Variants in TTLL11 observed in about 807,000 individuals in gnomAD.
The protein encoded by TTLL11 is tubulin polyglutamylase TTLL11.
In TTLL11, 42 loss-of-function variants were observed where a neutral mutation model predicts 51.7. The ratio of observed to expected loss-of-function variants is 0.81; its 90% CI spans 0.64 to 1.05. The LOEUF (loss-of-function observed/expected upper bound fraction) is 1.05. Ranked by LOEUF, TTLL11 falls within the 50% of genes least tolerant of loss-of-function variation. The pLI is 0.00. For missense variants in TTLL11, 799 were observed against 940.4 expected (o/e 0.85, Z 1.97); for synonymous variants, 381 against 383.5 (o/e 0.99, Z 0.08).
chr9:121,919,193 T>A (rs1439015472), intron 6 of TTLL11, among the ~76,000 whole-genome samples: 1 of 152,234 alleles, frequency 6.6e-6, no homozygotes, highest in Non-Finnish European at 1.5e-5. Flanking sequence ...CTCATTTAAT[T>A]AATTATACAT....
intron 8 of TTLL11, among the ~76,000 whole-genome samples, chr9:121,851,737 T>C (rs569668812): frequency 1.5e-4 from 23 of 152,200 alleles, no homozygotes; most frequent in Non-Finnish European, 1.0e-4. Context: ...CTCAGTGCAG[T>C]TGGGAGCACT....
intron 8 of TTLL11, among the ~76,000 whole-genome samples, chr9:121,835,222 C>G (rs551539940): frequency 2.3e-4 from 35 of 152,288 alleles, no homozygotes; most frequent in African/African-American, 8.2e-4. Flanking sequence ...TTCTGCCCAC[C>G]AGGATTCCCA....
At chr9:121,915,766 C>T (rs903705379) in intron 6 of TTLL11, among the ~76,000 whole-genome samples, 1 of 151,964 alleles carries the variant, frequency 6.6e-6, no homozygotes, top group African/African-American at 2.4e-5. Context: ...TTTATGTTAT[C>T]TTCACAATTT....
At chr9:122,011,171 C>T (rs758261505) in intron 3 of TTLL11, among the ~76,000 whole-genome samples, 2 of 152,182 alleles carry the variant, frequency 1.3e-5, no homozygotes, top group African/African-American at 2.4e-5. Context: ...CACTTGCCTG[C>T]CACCATGTAA....
At chr9:121,934,230 T>A (rs1489999670) in intron 6 of TTLL11, among the ~76,000 whole-genome samples, 5 of 44,226 alleles carry the variant, frequency 1.1e-4, no homozygotes, top group Admixed American at 5.1e-4. Flanking sequence ...CAAAACTCCA[T>A]CTCAAAAATA....
intron 6 of TTLL11, among the ~76,000 whole-genome samples, chr9:121,970,923 A>C (rs912338202): frequency 1.1e-4 from 17 of 152,378 alleles, no homozygotes; most frequent in African/African-American, 4.1e-4. Flanking sequence ...AGCACTAGTC[A>C]CAATAGCAAA....
In TTLL11 at chr9:122,022,543, T is replaced by G. The variant is rs570805898; in HGVS notation, c.693+9180A>C. 1.2e-4 allele frequency among the ~76,000 whole-genome samples: 18 copies of G among 150,996 alleles called. No individual in the cohort carries two copies. The East Asian group carries it at 3.3e-3, about 28-fold the overall frequency. On this transcript the variant is annotated intron_variant, in intron 3 of 8. Transcript: ENST00000321582. The stretch of plus-strand genomic sequence containing the variant: ...TAGAATTCTACACCTAGAGAAAATA[T>G]CATCCAAAACCAAAGGCAAAATAAA...
chr9:122,062,673 TG>T (rs2131874890), intron 1 of TTLL11, among the ~76,000 whole-genome samples: 1 of 151,862 alleles, frequency 6.6e-6, no homozygotes, highest in Non-Finnish European at 1.5e-5. Flanking sequence ...TTCACCATCT[TG>T]GCCAGGCTGG....
chr9:121,968,521 T>C (rs1168878517), intron 6 of TTLL11, among the ~76,000 whole-genome samples: 1 of 152,230 alleles, frequency 6.6e-6, no homozygotes, highest in Non-Finnish European at 1.5e-5. Context: ...TAACTAAGCA[T>C]TGTTTTTTCT....
chr9:121,955,263 T>A (rs142031027), intron 6 of TTLL11, among the ~76,000 whole-genome samples: 6 of 152,356 alleles, frequency 3.9e-5, no homozygotes, highest in Admixed American at 3.9e-4. Context: ...AAAATGCATA[T>A]AGTTTGTGTG....
At chr9:121,865,272 A>G (rs1354451450) in intron 7 of TTLL11, among the ~76,000 whole-genome samples, 1 of 152,150 alleles carries the variant, frequency 6.6e-6, no homozygotes, top group East Asian at 1.9e-4. Flanking sequence ...GCTACCCATT[A>G]CGAAGCATGT....
At chr9:121,870,271 T>C (rs1009686366) in intron 7 of TTLL11, among the ~76,000 whole-genome samples, 1 of 152,170 alleles carries the variant, frequency 6.6e-6, no homozygotes, top group Non-Finnish European at 1.5e-5. Flanking sequence ...TGTTTTTAAA[T>C]CATGAACATA....
At chr9:122,024,405 A>C (rs1240262423) in intron 3 of TTLL11, among the ~76,000 whole-genome samples, 1 of 152,190 alleles carries the variant, frequency 6.6e-6, no homozygotes, top group East Asian at 1.9e-4. Flanking sequence ...TCAAAATCCC[A>C]GTGGGCTTTT....
At chr9:122,034,753 C>T (rs184284427) in intron 2 of TTLL11, among the ~76,000 whole-genome samples, 40 of 152,256 alleles carry the variant, frequency 2.6e-4, no homozygotes, top group Middle Eastern at 3.4e-3. Flanking sequence ...ATCCAGGGCA[C>T]GCGTTCCCAG....
chr9:121,915,989 A>C (rs1407354233), intron 6 of TTLL11, among the ~76,000 whole-genome samples: 2 of 68,672 alleles, frequency 2.9e-5, no homozygotes, highest in East Asian at 7.0e-4. Context: ...AGACACACAC[A>C]TACACACACA....
intron 8 of TTLL11, among the ~76,000 whole-genome samples, chr9:121,838,161 A>G (rs974210135): frequency 1.3e-5 from 2 of 151,962 alleles, no homozygotes; most frequent in African/African-American, 4.8e-5. Flanking sequence ...TCCCTTCCCA[A>G]TTCTGTTTTT....
At chr9:121,854,691 T>C (rs62574489) in intron 8 of TTLL11, among the ~76,000 whole-genome samples, 6,432 of 152,314 alleles carry the variant, frequency 0.042, 182 homozygotes, top group Middle Eastern at 0.075. Flanking sequence ...ACCACGGAGA[T>C]GTGAAATTCC....
chr9:121,946,642 G>T (rs556077018), intron 6 of TTLL11, among the ~76,000 whole-genome samples: 1 of 152,340 alleles, frequency 6.6e-6, no homozygotes, highest in African/African-American at 2.4e-5. Context: ...TATTTTGGAG[G>T]TGACAGGCAT....
intron 4 of TTLL11, among the ~76,000 whole-genome samples, chr9:121,979,669 C>G (rs1410037139): frequency 6.6e-6 from 1 of 152,158 alleles, no homozygotes; most frequent in Non-Finnish European, 1.5e-5. Flanking sequence ...TGCTCTCAAA[C>G]TTGCTCCTCT....
Sources: gnomAD v4.1 joint callset for allele counts (sites outside exome capture counted in the v4.1 genomes callset) on GRCh38, gnomAD v4.1.1 for gene constraint, MANE v1.5 for transcripts, NCBI Gene and HGNC (gene_info 2026-07-23, HGNC 2026-07-21) for gene names.